Variants in SLC37A2 observed in about 807,000 individuals in gnomAD.
The protein encoded by SLC37A2 is glucose-6-phosphate exchanger SLC37A2.
SLC37A2 carries 59 observed loss-of-function variants against 70.7 expected under a neutral mutation model. The ratio of observed to expected loss-of-function variants is 0.83; its 90% confidence interval spans 0.68 to 1.04. The LOEUF (loss-of-function observed/expected upper bound fraction) is 1.04. Among genes scored for constraint, SLC37A2 ranks in the 50% least tolerant of loss-of-function variants. The pLI is 0.00. For missense variants in SLC37A2, 580 were observed against 658.1 expected (o/e 0.88, Z 1.30); for synonymous variants, 257 against 262.1 (o/e 0.98, Z 0.19).
chr11:125,075,821 A>G (rs1308486760), intron 1 of SLC37A2, among the ~76,000 whole-genome samples: 1 of 152,164 alleles, frequency 6.6e-6, no homozygotes, highest in Non-Finnish European at 1.5e-5. Context: ...CCAGGACAGA[A>G]AGGGCTTCAG....
At chr11:125,081,374 G>C (rs1214404774) in intron 7 of SLC37A2, 47 bp from the exon 8 acceptor site, 5 of 1,576,006 alleles carry the variant, frequency 3.2e-6, no homozygotes, top group South Asian at 2.4e-5. Flanking sequence ...TCGGGATTGG[G>C]GGGGCGGGGG....
rs373876948 is a variant in SLC37A2 at position 125,080,575 on chromosome 11, T to G, written c.528-39T>G. 1 of 1,421,448 alleles carries G rather than the reference T, an allele frequency of 7.0e-7. No individual in the cohort carries two copies. The highest frequency in any genetic ancestry group is 9.3e-7 in the Non-Finnish European group (1 of 1,077,286). The allele number at this position is 1,421,448 out of a possible 1,614,324, so 88.1% of individuals were successfully genotyped here. ...GCTATGAACAATGTGCTTTGCTTTT[T>G]ACTTTTTATACCTCTTCCCTTCTCT... On this transcript the variant is annotated intron_variant, in intron 6 of 17. Coordinates refer to ENST00000403796, the MANE Select transcript of SLC37A2 (RefSeq NM_001145290.2). The surrounding 1 kb of genome is among the most constrained non-coding windows in gnomAD (Gnocchi z 4.3).
chr11:125,084,906 G>A, intron 13 of SLC37A2, 33 bp downstream of exon 13: 3 of 1,612,488 alleles, frequency 1.9e-6, no homozygotes, highest in Non-Finnish European at 2.5e-6. Context: ...TGCCAGGCCA[G>A]GGGAAAGGCA....
Position 125,089,854 on chromosome 11 carries a change from TCGACCAC to T in SLC37A2, c.*1722_*1728del, listed in dbSNP as rs1201442838. The stretch of plus-strand genomic sequence containing the variant: ...CCCTGCTCCAGGGCGCCCAGTCCCA[TCGACCAC>T]CCAAGGGCTGAGGAGTGCGAGCGCA... On this transcript the variant is annotated 3_prime_UTR_variant, in exon 18 of 18. Coordinates refer to ENST00000403796, the MANE Select transcript of SLC37A2 (RefSeq NM_001145290.2). The T allele has an allele frequency of 5.9e-6, 1 of 169,586 alleles. No individual in the cohort carries two copies. The highest frequency in any genetic ancestry group is 2.2e-3 in the Middle Eastern group (1 of 456). 10.5% of individuals were successfully genotyped at this position (169,586 alleles called of 1,614,324 possible).
chr11:125,079,167 C>T lies in SLC37A2; in HGVS notation c.370C>T (p.Leu124Phe). Residue 124 changes from leucine (L) to phenylalanine (F), a missense_variant, in exon 5 of 18, where the codon CTC becomes TTC. Transcript: ENST00000403796. ...LRYYLSAGML[L>F]SGLFTSLFGL... ...TTACTACCTCTCAGCTGGAATGCTGCTCAGTGGCCTTTTCACCTCGCTCTT... is the reference window on the plus strand; with the variant it reads ...TTACTACCTCTCAGCTGGAATGCTGTTCAGTGGCCTTTTCACCTCGCTCTT... 1.9e-6 allele frequency: 3 copies of T among 1,614,250 alleles called. No individual in the cohort carries two copies. The highest frequency in any genetic ancestry group is 2.5e-6 in the Non-Finnish European group (3 of 1,180,040).
At chr11:125,072,276 C>A (rs1302039064) in intron 1 of SLC37A2, among the ~76,000 whole-genome samples, 2 of 152,128 alleles carry the variant, frequency 1.3e-5, no homozygotes, top group African/African-American at 4.8e-5. Flanking sequence ...TTATCAGGCT[C>A]CTTCGAAAGA....
At chr11:125,073,688 C>T (rs909217291) in intron 1 of SLC37A2, among the ~76,000 whole-genome samples, 1 of 152,240 alleles carries the variant, frequency 6.6e-6, no homozygotes, top group Non-Finnish European at 1.5e-5. Context: ...AGCTTTTGCC[C>T]GATTCCCAAG....
intron 4 of SLC37A2, among the ~76,000 whole-genome samples, 175 bp from the exon 5 acceptor site, chr11:125,078,937 C>T (rs914373091): frequency 2.0e-5 from 3 of 151,930 alleles, no homozygotes; most frequent in African/African-American, 7.3e-5. Context: ...GGAGCATGGC[C>T]AGGTGTCACA....
At chr11:125,075,148 C>T (rs988747803) in intron 1 of SLC37A2, among the ~76,000 whole-genome samples, 24 of 152,234 alleles carry the variant, frequency 1.6e-4, no homozygotes, top group African/African-American at 5.5e-4. Context: ...TCCCGCCTCT[C>T]CCTGAACCAG....
Position 125,080,758 on chromosome 11 carries a change from C to A in SLC37A2, c.672C>A (p.Ile224=). ...TCATTACTGCCGTCATGGGCGTCAT[C>A]ACCTTCCTCTTCCTCATCGAACGTG... ...PGIITAVMGV[I]TFLFLIEHPE... is the part of the protein sequence containing the mutation. Residue 224 remains isoleucine (I), a synonymous_variant, in exon 7 of 18, where the codon ATC becomes ATA. Transcript: ENST00000403796. The surrounding 1 kb of genome is among the most constrained non-coding windows in gnomAD (Gnocchi z 4.3). 1 of 1,512,400 alleles carries A rather than the reference C, an allele frequency of 6.6e-7. No homozygotes were observed. The highest frequency in any genetic ancestry group is 8.9e-7 in the Non-Finnish European group (1 of 1,124,940). 93.7% of individuals were successfully genotyped at this position (1,512,400 alleles called of 1,614,324 possible).
At position 125,085,657 on chromosome 11, in the gene SLC37A2, G is replaced by T. The variant is rs763143482; in HGVS notation, c.1408G>T (p.Asp470Tyr). 11 of 1,613,190 alleles carry T rather than the reference G, an allele frequency of 6.8e-6. No individual in the cohort carries two copies. The South Asian group carries it at 1.2e-4, about 18-fold the overall frequency. The change falls in exon 16 of 18, where the codon GAC becomes TAC. Residue 470 changes from aspartate to tyrosine, a missense_variant. Asp to Tyr is a radical substitution (Grantham distance 160, BLOSUM62 -3). Transcript: ENST00000403796. The stretch of plus-strand genomic sequence containing the variant: ...TGTCTTCTACATGCTCATCTCTGCC[G>T]ACGTCCTAGCCTGCTTGGTAAGAGT... ...NNVFYMLISA[D>Y]VLACLLLCRL...
chr11:125,076,127 T>C (rs1156842129), intron 1 of SLC37A2, among the ~76,000 whole-genome samples: 1 of 151,388 alleles, frequency 6.6e-6, no homozygotes, highest in Non-Finnish European at 1.5e-5. Context: ...ACGTGAGGGG[T>C]GAGAAAGAGC....
At chr11:125,078,157 G>A (rs1333734696) in intron 4 of SLC37A2, among the ~76,000 whole-genome samples, 1 of 152,238 alleles carries the variant, frequency 6.6e-6, no homozygotes, top group East Asian at 1.9e-4. Flanking sequence ...GACCTGGGCA[G>A]AAGGAATAGC....
chr11:125,069,780 T>A (rs1471592215), intron 1 of SLC37A2, among the ~76,000 whole-genome samples: 2 of 152,212 alleles, frequency 1.3e-5, no homozygotes, highest in African/African-American at 4.8e-5. Flanking sequence ...GCTGCAGACA[T>A]CCAGGCAAGA....
rs1388720851 is a variant in SLC37A2, at chr11:125,076,923, C to T, written c.141+85C>T. The T allele has an allele frequency of 3.0e-6, 4 of 1,313,774 alleles. No homozygotes were observed. The East Asian group carries it at 7.2e-5, about 24-fold the overall frequency. 81.4% of individuals were successfully genotyped at this position (1,313,774 alleles called of 1,614,324 possible). On this transcript the variant is annotated intron_variant, in intron 2 of 17. Transcript: ENST00000403796. The stretch of plus-strand genomic sequence containing the variant: ...CCTTCCCATGGCCACCGAGGTTGCA[C>T]CTTCACCTGGCAGGCTCCCACTCTC...
rs754905325 is a variant in SLC37A2 at position 125,081,862 on chromosome 11, G to C, written c.841G>C (p.Glu281Gln). 1.2e-6 allele frequency: 2 copies of C among 1,613,846 alleles called. No individual in the cohort carries two copies. Among genetic ancestry groups the C allele is most frequent in the South Asian group, 2.2e-5 (2 of 91,058 alleles). Reference sequence around the variant, plus strand: ...GGCCAAATGCTCCAAGGGGCCATGCGAAGAGCCTGCTGCCATCAGCTTCTT... The same window carrying C: ...GGCCAAATGCTCCAAGGGGCCATGCCAAGAGCCTGCTGCCATCAGCTTCTT... ...TVAKCSKGPC[E>Q]EPAAISFFGA... is the part of the protein sequence containing the mutation. The change falls in exon 9 of 18, where the codon GAA (glutamate) becomes CAA (glutamine). Residue 281 changes from glutamate to glutamine, a missense_variant. Transcript: ENST00000403796.
In SLC37A2 at chr11:125,063,427, G is replaced by C. The variant is rs778735087; in HGVS notation, c.59+1G>C. 1.2e-6 allele frequency: 2 copies of C among 1,611,150 alleles called. No homozygotes were observed. Among genetic ancestry groups the C allele is most frequent in the South Asian group, 2.2e-5 (2 of 90,300 alleles). On this transcript the variant is annotated splice_donor_variant, in intron 1 of 17. Transcript: ENST00000403796. LOFTEE classifies it high-confidence loss of function. This position sits in a 1 kb window ranked among gnomAD's most constrained non-coding sequence, Gnocchi z 5.4. ...TCCGGGCCTTCTCCAGGGACAGCTG[G>C]TGAGCGGGGCAGGGGAGGGAGGCGT...
At chr11:125,064,544 G>A (rs1187845811) in intron 1 of SLC37A2, among the ~76,000 whole-genome samples, 1 of 152,248 alleles carries the variant, frequency 6.6e-6, no homozygotes, top group East Asian at 1.9e-4. Flanking sequence ...GGCAAAATGA[G>A]ACAATTGGCT....
intron 1 of SLC37A2, 35 bp from the exon 2 acceptor site, chr11:125,076,722 C>T: frequency 6.2e-7 from 1 of 1,608,062 alleles, no homozygotes; most frequent in South Asian, 1.1e-5. Flanking sequence ...CTGGGGCTGA[C>T]TTCCCACTAA....
Sources: allele counts gnomAD v4.1 joint callset (sites outside exome capture counted in the v4.1 genomes callset), GRCh38; gene constraint gnomAD v4.1.1; non-coding constraint Gnocchi (gnomAD v3.1); transcripts MANE v1.5; gene names NCBI Gene and HGNC (gene_info 2026-07-23, HGNC 2026-07-21).